Variants in MCTP1 observed in about 807,000 individuals in gnomAD.
MCTP1 encodes the protein multiple C2 and transmembrane domain-containing protein 1.
MCTP1 carries 69 observed loss-of-function variants against 120.6 expected under a neutral mutation model. The observed-to-expected ratio is 0.57, with a 90% CI of 0.47 to 0.70. MCTP1 has a LOEUF of 0.70. MCTP1 is among the 30% of genes least tolerant of loss of function. The probability of loss-of-function intolerance (pLI) is 0.00; values close to 1 mark genes in which losing one functional copy is unlikely to be tolerated. For synonymous variants in MCTP1, 529 were observed against 493.1 expected, an observed-to-expected ratio of 1.07 and a Z score of -0.96; for missense variants, 1,203 against 1,248.8, an observed-to-expected ratio of 0.96 and a Z score of 0.55.
At chr5:95,272,987 T>A (rs1055875011) in intron 1 of MCTP1, among the ~76,000 whole-genome samples, 2 of 152,160 alleles carry the variant, frequency 1.3e-5, no homozygotes, top group African/African-American at 4.8e-5. Context: ...TCTTTAGAAG[T>A]AGAGGAAAAC....
intron 1 of MCTP1, among the ~76,000 whole-genome samples, chr5:95,066,942 A>G (rs1582123316): frequency 6.6e-6 from 1 of 152,176 alleles, no homozygotes; most frequent in South Asian, 2.1e-4. Context: ...TAGGGTTCGC[A>G]CTTCTATGAG....
chr5:94,952,424 A>C (rs1177876774), intron 3 of MCTP1, among the ~76,000 whole-genome samples: 1 of 152,156 alleles, frequency 6.6e-6, no homozygotes, highest in Non-Finnish European at 1.5e-5. Flanking sequence ...TAATACAATG[A>C]TGATATGAGG....
At chr5:94,795,834 G>C (rs1279586450) in intron 18 of MCTP1, among the ~76,000 whole-genome samples, 1 of 152,144 alleles carries the variant, frequency 6.6e-6, no homozygotes, top group South Asian at 2.1e-4. Context: ...CTCAGGAATG[G>C]CTCTTTACTT....
intron 1 of MCTP1, among the ~76,000 whole-genome samples, chr5:95,051,562 C>G (rs774218604): frequency 1.3e-5 from 2 of 152,116 alleles, no homozygotes; most frequent in African/African-American, 2.4e-5. Context: ...CTGTTCTTTC[C>G]GTGAAGGGTC....
chr5:95,072,335 G>A (rs1752403829), intron 1 of MCTP1, among the ~76,000 whole-genome samples: 1 of 152,078 alleles, frequency 6.6e-6, no homozygotes, highest in African/African-American at 2.4e-5. Context: ...AAGGCTGGGG[G>A]AATATAAACA....
intron 18 of MCTP1, among the ~76,000 whole-genome samples, chr5:94,795,936 A>G (rs1247230889): frequency 6.6e-6 from 1 of 152,210 alleles, no homozygotes; most frequent in African/African-American, 2.4e-5. Context: ...TAGAATAGGC[A>G]CCATGGTGGG....
At chr5:94,757,550 T>C (rs567324018) in intron 19 of MCTP1, among the ~76,000 whole-genome samples, 53 of 152,294 alleles carry the variant, frequency 3.5e-4, no homozygotes, top group African/African-American at 1.3e-3. Flanking sequence ...GAGCGAAATA[T>C]ATAGAATCTG....
intron 12 of MCTP1, among the ~76,000 whole-genome samples, chr5:94,888,002 T>G (rs1801706756): frequency 6.6e-6 from 1 of 152,218 alleles, no homozygotes; most frequent in African/African-American, 2.4e-5. Context: ...TCTGGCTGAA[T>G]GTTCAAAATG....
intron 1 of MCTP1, among the ~76,000 whole-genome samples, chr5:95,276,272 T>TTG (rs1759821657): frequency 1.4e-5 from 2 of 141,252 alleles, no homozygotes; most frequent in South Asian, 4.8e-4. Flanking sequence ...TTTTTTTTTT[T>TTG]TTTTTGATCG....
chr5:95,210,533 C>G (rs61892110), intron 1 of MCTP1, among the ~76,000 whole-genome samples: 20 of 147,926 alleles, frequency 1.4e-4, no homozygotes, highest in African/African-American at 4.8e-4. Flanking sequence ...CTTGGTAGAT[C>G]TTCCTCCATC....
At chr5:95,133,031 G>A (rs928182518) in intron 1 of MCTP1, among the ~76,000 whole-genome samples, 1 of 152,118 alleles carries the variant, frequency 6.6e-6, no homozygotes, top group African/African-American at 2.4e-5. Flanking sequence ...TTAACCTGAA[G>A]AACTCATAAA....
intron 1 of MCTP1, among the ~76,000 whole-genome samples, chr5:95,115,083 G>C (rs982405396): frequency 1.3e-5 from 2 of 152,162 alleles, no homozygotes; most frequent in Non-Finnish European, 2.9e-5. Flanking sequence ...GGATTGGGGT[G>C]CCATATGTAA....
chr5:94,888,809 G>A, intron 12 of MCTP1, 70 bp downstream of exon 12: 1 of 858,350 alleles, frequency 1.2e-6, no homozygotes, highest in South Asian at 1.7e-5. Flanking sequence ...ATGCAAAGTT[G>A]AATTATTAAA....
intron 1 of MCTP1, among the ~76,000 whole-genome samples, chr5:95,057,563 ATACT>A: frequency 6.6e-6 from 1 of 152,346 alleles, no homozygotes; most frequent in African/African-American, 2.4e-5. Flanking sequence ...TTATTTTAAA[ATACT>A]TAAATAGTGA....
intron 2 of MCTP1, among the ~76,000 whole-genome samples, chr5:94,982,195 A>G (rs191450243): frequency 1.3e-5 from 2 of 152,310 alleles, no homozygotes; most frequent in East Asian, 1.9e-4. Context: ...TCTTATCTTT[A>G]TGTCTACACT....
intron 1 of MCTP1, among the ~76,000 whole-genome samples, chr5:95,203,017 C>T (rs1199155804): frequency 1.3e-5 from 2 of 152,196 alleles, no homozygotes; most frequent in African/African-American, 4.8e-5. Context: ...GCATGAGCCA[C>T]CACTCCCAGC....
chr5:94,909,526 G>T (rs1807890463), intron 9 of MCTP1, 145 bp from the exon 10 acceptor site: 2 of 738,738 alleles, frequency 2.7e-6, no homozygotes, highest in Admixed American at 7.1e-5. Context: ...AGAAATAATG[G>T]AAATAACTCA....
intron 1 of MCTP1, chr5:95,023,957 T>A (rs1053748355): frequency 4.0e-6 from 1 of 247,876 alleles, no homozygotes; most frequent in African/African-American, 2.3e-5. Flanking sequence ...AAGTTAATGA[T>A]CTGTGCAGTT....
intron 19 of MCTP1, among the ~76,000 whole-genome samples, chr5:94,748,456 A>G (rs537531328): frequency 3.3e-5 from 5 of 152,336 alleles, no homozygotes; most frequent in African/African-American, 1.2e-4. Context: ...ACATTTTGAC[A>G]TGGTTAAATA....
Sources: gnomAD v4.1 joint callset for allele counts (sites outside exome capture counted in the v4.1 genomes callset) on GRCh38, gnomAD v4.1.1 for gene constraint, MANE v1.5 for transcripts, NCBI Gene and HGNC (gene_info 2026-07-23, HGNC 2026-07-21) for gene names.